Variants in CELF2 observed in about 807,000 individuals in gnomAD.
The protein encoded by CELF2 is CUGBP Elav-like family member 2.
CELF2 carries 8 observed loss-of-function variants against 62.6 expected under a neutral mutation model. The ratio of observed to expected loss-of-function variants is 0.13; its 90% CI spans 0.07 to 0.23. CELF2 has a LOEUF of 0.23. Ranked by LOEUF, CELF2 falls within the 10% of genes least tolerant of loss-of-function variation. The pLI, the probability that CELF2 is intolerant of heterozygous loss-of-function variation, is 1.00. For synonymous variants in CELF2, 258 were observed against 250.0 expected, an observed-to-expected ratio of 1.03 and a Z score of -0.30; for missense variants, 333 against 671.0, an observed-to-expected ratio of 0.50 and a Z score of 5.56.
intron 2 of CELF2, among the ~76,000 whole-genome samples, chr10:10,996,217 G>A (rs1364443661): frequency 1.3e-5 from 2 of 152,208 alleles, no homozygotes; most frequent in Non-Finnish European, 2.9e-5. Flanking sequence ...AAGCATAAGA[G>A]CTTGTTCTGC....
At chr10:10,825,401 G>A (rs374594039) in intron 1 of CELF2, among the ~76,000 whole-genome samples, 26 of 152,142 alleles carry the variant, frequency 1.7e-4, no homozygotes, top group African/African-American at 4.8e-4. Flanking sequence ...TAGTAGAGAC[G>A]GGGTTTCACT....
chr10:11,033,500 G>A (rs2060470333), intron 1 of CELF2, among the ~76,000 whole-genome samples: 1 of 152,094 alleles, frequency 6.6e-6, no homozygotes. Flanking sequence ...CAGGTGATCC[G>A]CCCACCTCAG....
At chr10:10,759,171 CTG>C in the CELF2 span, among the ~76,000 whole-genome samples, 3 of 152,096 alleles carry the variant, frequency 2.0e-5, no homozygotes, top group Non-Finnish European at 4.4e-5. Flanking sequence ...AGGCATAAGA[CTG>C]TATGAAAGGA....
At chr10:10,639,933 G>A in the CELF2 span, among the ~76,000 whole-genome samples, 1 of 152,070 alleles carries the variant, frequency 6.6e-6, no homozygotes, top group African/African-American at 2.4e-5. Context: ...ATTCCTGGAG[G>A]AGGTCACACC....
intron 1 of CELF2, among the ~76,000 whole-genome samples, chr10:10,846,640 A>T (rs962356965): frequency 1.3e-5 from 2 of 152,184 alleles, no homozygotes; most frequent in African/African-American, 4.8e-5. Context: ...ACGCAAAGCC[A>T]ATGTGAAGCA....
At chr10:10,605,251 A>G in the CELF2 span, among the ~76,000 whole-genome samples, 3 of 151,178 alleles carry the variant, frequency 2.0e-5, no homozygotes, top group Admixed American at 6.6e-5. Context: ...GAGGGGAACA[A>G]CACACACTGA....
In CELF2 at chr10:11,260,467, A is replaced by C. The variant is rs1266211054; in HGVS notation, c.538+2595A>C. Among the ~76,000 whole-genome samples the C allele has an allele frequency of 1.3e-5, 2 of 152,218 alleles. No individual in the cohort carries two copies. Among genetic ancestry groups the C allele is most frequent in the Non-Finnish European group, 2.9e-5 (2 of 68,042 alleles). ...AGCAGCCAGAACCTCCATGGGAAAG[A>C]GCAGGACACGCAGTACTTAACAAGA... On this transcript the variant is annotated intron_variant, in intron 5 of 12. Coordinates refer to ENST00000633077, the MANE Select transcript of CELF2 (RefSeq NM_001326342.2). The surrounding 1 kb of genome is among the most constrained non-coding windows in gnomAD (Gnocchi z 4.2).
the CELF2 span, among the ~76,000 whole-genome samples, chr10:10,769,379 A>T: frequency 6.6e-6 from 1 of 152,172 alleles, no homozygotes; most frequent in Non-Finnish European, 1.5e-5. Context: ...AGAGAACTGC[A>T]GTCAGTTCTG....
chr10:10,774,407 G>A, the CELF2 span, among the ~76,000 whole-genome samples: 4 of 152,224 alleles, frequency 2.6e-5, no homozygotes, highest in African/African-American at 9.6e-5. Flanking sequence ...CCATGCTGGA[G>A]GTGGGACCTG....
At chr10:10,806,995 T>G (rs2055305922) in intron 1 of CELF2, among the ~76,000 whole-genome samples, 1 of 152,250 alleles carries the variant, frequency 6.6e-6, no homozygotes, top group South Asian at 2.1e-4. Context: ...AAACTAATAC[T>G]ATTCTTGTTT....
chr10:11,322,229 G>A (rs1208091748), intron 11 of CELF2, among the ~76,000 whole-genome samples: 2 of 152,174 alleles, frequency 1.3e-5, no homozygotes, highest in African/African-American at 4.8e-5. Context: ...ATGGTTTTCA[G>A]GTGAATGATG....
the CELF2 span, chr10:10,792,647 A>C: frequency 5.9e-5 from 23 of 388,558 alleles, no homozygotes; most frequent in South Asian, 1.4e-3. Context: ...TATGGAGACT[A>C]TCTGAGCCAC....
At chr10:10,910,038 C>A (rs2063676339) in intron 1 of CELF2, among the ~76,000 whole-genome samples, 1 of 152,152 alleles carries the variant, frequency 6.6e-6, no homozygotes, top group African/African-American at 2.4e-5. Context: ...CTGGTATTTG[C>A]AAATCCCTCT....
chr10:11,015,901 AATGAAACATGTTCTACCTTATAG>A (rs1441711762), upstream of CELF2, among the ~76,000 whole-genome samples: 234 of 152,336 alleles, frequency 1.5e-3, no homozygotes, highest in African/African-American at 5.2e-3. The surrounding 1 kb of genome is among the most constrained non-coding windows in gnomAD (Gnocchi z 4.8). Context: ...CGTACATGTT[AATGAAACATGTTCTACCTTATAG>A]AATGTAGATA....
At position 10,990,065 on chromosome 10, in the gene CELF2, T is replaced by C. The variant is rs2053260604; in HGVS notation, c.89+70066T>C. Among the ~76,000 whole-genome samples, 1 of 152,158 alleles carries C rather than the reference T, an allele frequency of 6.6e-6. No individual in the cohort carries two copies. The highest frequency in any genetic ancestry group is 2.1e-4 in the South Asian group (1 of 4,832). On this transcript the variant is annotated intron_variant, in intron 2 of 13. Coordinates refer to the CELF2 transcript ENST00000636488. This position sits in a 1 kb window ranked among gnomAD's most constrained non-coding sequence, Gnocchi z 4.6. ...ATGTTAAGATGTAAAACAGTTATCT[T>C]CTCTCTGAAGAAAATCAGAATTACC...
rs572721635 is a variant in CELF2 at position 11,090,957 on chromosome 10, C to T, written c.74+72794C>T. Among the ~76,000 whole-genome samples, 6 of 152,194 alleles carry T rather than the reference C, an allele frequency of 3.9e-5. No individual in the cohort carries two copies. The South Asian group carries it at 6.2e-4, about 16-fold the overall frequency. Reference sequence around the variant, plus strand: ...AAGAAAATGTACAGACTTATTCTTCCGTTTTTTAAAAACATGTAATCATTG... The same window carrying T: ...AAGAAAATGTACAGACTTATTCTTCTGTTTTTTAAAAACATGTAATCATTG... On this transcript the variant is annotated intron_variant, in intron 1 of 12. Transcript: ENST00000633077.
At chr10:10,891,676 G>A (rs557755989) in intron 1 of CELF2, among the ~76,000 whole-genome samples, 2 of 152,232 alleles carry the variant, frequency 1.3e-5, no homozygotes, top group Non-Finnish European at 2.9e-5. Context: ...TCCATGACTC[G>A]ATGCGGCTGC....
chr10:11,004,011 C>T (rs1327383960), upstream of CELF2, among the ~76,000 whole-genome samples: 1 of 152,128 alleles, frequency 6.6e-6, no homozygotes, highest in Non-Finnish European at 1.5e-5. This position sits in a 1 kb window ranked among gnomAD's most constrained non-coding sequence, Gnocchi z 5.0. Context: ...GATTTCTGTG[C>T]AGTGGAGATT....
the CELF2 span, among the ~76,000 whole-genome samples, chr10:10,551,587 AATACTT>A: frequency 2.6e-5 from 4 of 152,226 alleles, no homozygotes; most frequent in Non-Finnish European, 5.9e-5. Flanking sequence ...CAAGTGTACT[AATACTT>A]AGGAGCTGGG....
Sources: gnomAD v4.1 joint callset for allele counts (sites outside exome capture counted in the v4.1 genomes callset) on GRCh38, gnomAD v4.1.1 for gene constraint, Gnocchi (gnomAD v3.1) non-coding constraint, MANE v1.5 for transcripts, NCBI Gene and HGNC (gene_info 2026-07-23, HGNC 2026-07-21) for gene names.